CTNNA1: variants seen among roughly 807,000 people sequenced by gnomAD.
CTNNA1 encodes catenin alpha-1.
CTNNA1 carries 37 observed loss-of-function variants against 98.4 expected under a neutral mutation model. That is an observed-to-expected ratio of 0.38 (90% confidence interval 0.29 to 0.49). The LOEUF is 0.49. Ranked by LOEUF, CTNNA1 falls within the 20% of genes least tolerant of loss-of-function variation. The probability of loss-of-function intolerance (pLI) is 0.95; values close to 1 mark genes in which losing one functional copy is unlikely to be tolerated. For missense variants in CTNNA1, 761 were observed against 1,147.2 expected, an observed-to-expected ratio of 0.66 and a Z score of 4.86; for synonymous variants, 404 against 413.2, an observed-to-expected ratio of 0.98 and a Z score of 0.27.
chr5:138,837,807 G>A (rs1325727445), intron 7 of CTNNA1, among the ~76,000 whole-genome samples: 1 of 151,190 alleles, frequency 6.6e-6, no homozygotes, highest in African/African-American at 2.4e-5. Flanking sequence ...ATTTTTTGTA[G>A]ATATGGGGTC....
chr5:138,759,186 T>A (rs931157530), intron 1 of CTNNA1, among the ~76,000 whole-genome samples: 1 of 152,252 alleles, frequency 6.6e-6, no homozygotes, highest in Non-Finnish European at 1.5e-5. Flanking sequence ...TGGGACTTTT[T>A]AATTTTTTTT....
chr5:138,907,409 G>A (rs13172507), intron 10 of CTNNA1, among the ~76,000 whole-genome samples: 48,794 of 152,114 alleles, frequency 0.32, 8,090 homozygotes, highest in African/African-American at 0.41. Flanking sequence ...TAAAGTTTTT[G>A]AAATCTTTGA....
At chr5:138,796,864 G>C (rs1325348127) in intron 3 of CTNNA1, among the ~76,000 whole-genome samples, 1 of 152,210 alleles carries the variant, frequency 6.6e-6, no homozygotes, top group Non-Finnish European at 1.5e-5. Flanking sequence ...GGATTTGGCA[G>C]TTGATAACAA....
intron 10 of CTNNA1, among the ~76,000 whole-genome samples, chr5:138,910,392 TAATA>T (rs1460849235): frequency 6.6e-6 from 1 of 151,902 alleles, no homozygotes; most frequent in African/African-American, 2.4e-5. Flanking sequence ...GCAGTTTCTT[TAATA>T]GACAGGGATA....
intron 1 of CTNNA1, among the ~76,000 whole-genome samples, chr5:138,778,377 A>T (rs2149637844): frequency 6.6e-6 from 1 of 152,124 alleles, no homozygotes; most frequent in Middle Eastern, 3.4e-3. Context: ...TGACTAGTTG[A>T]GGTTATGTAA....
chr5:138,846,647 C>G (rs866597019), intron 7 of CTNNA1, among the ~76,000 whole-genome samples: 6 of 152,204 alleles, frequency 3.9e-5, no homozygotes, highest in South Asian at 4.1e-4. Flanking sequence ...CACTGTTGAC[C>G]TCTTTAATCT....
intron 1 of CTNNA1, among the ~76,000 whole-genome samples, chr5:138,756,549 T>C (rs920946009): frequency 6.6e-6 from 1 of 152,064 alleles, no homozygotes; most frequent in Admixed American, 6.6e-5. Context: ...GGTGAGAATA[T>C]GGAGAGAAGG....
chr5:138,930,361 A>C (rs774678741), intron 14 of CTNNA1, 112 bp from the exon 15 acceptor site: 11 of 768,868 alleles, frequency 1.4e-5, no homozygotes, highest in Non-Finnish European at 1.9e-5. Context: ...AAACCTATTA[A>C]AGCATTATCC....
chr5:138,788,161 A>G (rs1683605987), intron 3 of CTNNA1, among the ~76,000 whole-genome samples: 1 of 152,050 alleles, frequency 6.6e-6, no homozygotes, highest in African/African-American at 2.4e-5. Context: ...AGCGCTTATC[A>G]CAGTGGTAAT....
At position 138,873,658 on chromosome 5, in the gene CTNNA1, T is replaced by C; in HGVS notation, c.1063-12554T>C. ...CAGAGAGACCAACGGTTGTGAGGGATCTCAGGGAGTTTAAGATCTTGGAAT... is the reference window on the plus strand; with the variant it reads ...CAGAGAGACCAACGGTTGTGAGGGACCTCAGGGAGTTTAAGATCTTGGAAT... On this transcript the variant is annotated intron_variant, in intron 7 of 17. Transcript: ENST00000302763. The surrounding 1 kb of genome is among the most constrained non-coding windows in gnomAD (Gnocchi z 6.1). The C allele has an allele frequency of 6.2e-7, 1 of 1,614,048 alleles. No homozygotes were observed. The highest frequency in any genetic ancestry group is 8.5e-7 in the Non-Finnish European group (1 of 1,179,894).
intron 4 of CTNNA1, among the ~76,000 whole-genome samples, chr5:138,811,339 C>T (rs1581113853): frequency 1.5e-5 from 2 of 136,112 alleles, no homozygotes; most frequent in Non-Finnish European, 3.2e-5. Flanking sequence ...CAGAGACGCT[C>T]CTCACTTCCT....
chr5:138,803,835 C>T, intron 3 of CTNNA1, among the ~76,000 whole-genome samples: 1 of 152,178 alleles, frequency 6.6e-6, no homozygotes, highest in South Asian at 2.1e-4. Context: ...CTTTCTCTCC[C>T]ACTAGAATGT....
At chr5:138,927,203 G>T (rs1342018417) in intron 13 of CTNNA1, among the ~76,000 whole-genome samples, 1 of 152,210 alleles carries the variant, frequency 6.6e-6, no homozygotes, top group Non-Finnish European at 1.5e-5. Flanking sequence ...ATTTCTGTAA[G>T]CTTCAATCAG....
Position 138,767,033 on chromosome 5 carries a change from T to TTTTCTTTC in CTNNA1, c.-3+13531_-3+13538dup, listed in dbSNP as rs147493635. 5.9e-5 allele frequency among the ~76,000 whole-genome samples: 9 copies of TTTTCTTTC among 151,294 alleles called. No individual in the cohort carries two copies. In the South Asian group the frequency reaches 1.9e-3, roughly 32 times the overall value. ...TCCAATGTCTTCTGAATTTCATAACTTTTCTTTCTTTCTTTTTTTTGAGAC... is the reference window on the plus strand; with the variant it reads ...TCCAATGTCTTCTGAATTTCATAACTTTTCTTTCTTTCTTTCTTTCTTTTTTTTGAGAC... On this transcript the variant is annotated intron_variant, in intron 1 of 17. Coordinates refer to ENST00000302763, the MANE Select transcript of CTNNA1 (RefSeq NM_001903.5).
At chr5:138,808,310 G>T (rs543299583) in intron 3 of CTNNA1, among the ~76,000 whole-genome samples, 2 of 152,208 alleles carry the variant, frequency 1.3e-5, no homozygotes, top group South Asian at 4.1e-4. Flanking sequence ...CTTGATGTGC[G>T]ATGGGTGCTC....
At chr5:138,795,469 A>G (rs938400941) in intron 3 of CTNNA1, among the ~76,000 whole-genome samples, 4 of 151,854 alleles carry the variant, frequency 2.6e-5, no homozygotes, top group Non-Finnish European at 5.9e-5. Flanking sequence ...AAAAAAAAAG[A>G]AAAAAGAAAA....
chr5:138,912,154 C>T (rs562585762), intron 10 of CTNNA1, among the ~76,000 whole-genome samples: 1 of 152,084 alleles, frequency 6.6e-6, no homozygotes, highest in East Asian at 1.9e-4. Flanking sequence ...GGGTCCCTAA[C>T]ATTGAGAGTT....
At position 138,874,890 on chromosome 5, in the gene CTNNA1, A is replaced by G; in HGVS notation, c.1063-11322A>G. On this transcript the variant is annotated intron_variant, in intron 7 of 17. Transcript: ENST00000302763. This position sits in a 1 kb window ranked among gnomAD's most constrained non-coding sequence, Gnocchi z 4.1. ...ATTCCTTGTTGAATGTACAAGACAT[A>G]TAAATGCACAGACTTACCCATTCTT... 1.9e-6 allele frequency: 3 copies of G among 1,610,830 alleles called. No individual in the cohort carries two copies. Among genetic ancestry groups the G allele is most frequent in the African/African-American group, 1.3e-5 (1 of 74,924 alleles).
intron 5 of CTNNA1, among the ~76,000 whole-genome samples, chr5:138,819,645 G>A (rs886541875): frequency 3.3e-5 from 5 of 152,284 alleles, no homozygotes; most frequent in African/African-American, 1.2e-4. Context: ...ACTTGGATGC[G>A]TGACTGCTCT....
Sources: allele counts gnomAD v4.1 joint callset (sites outside exome capture counted in the v4.1 genomes callset), GRCh38; gene constraint gnomAD v4.1.1; non-coding constraint Gnocchi (gnomAD v3.1); transcripts MANE v1.5; gene names NCBI Gene and HGNC (gene_info 2026-07-23, HGNC 2026-07-21).